Variants in RPH3A observed in about 807,000 individuals in gnomAD.
RPH3A encodes rabphilin-3A.
A neutral mutation model predicts 102.2 loss-of-function variants in RPH3A; 48 were observed. That is an observed-to-expected ratio of 0.47 (90% CI 0.37 to 0.60). The LOEUF is 0.60. RPH3A is among the 20% of genes least tolerant of loss of function. RPH3A has a pLI of 0.00. For synonymous variants in RPH3A, 310 were observed against 324.3 expected (o/e 0.96, Z 0.47); for missense variants, 781 against 910.1 (o/e 0.86, Z 1.83).
intron 1 of RPH3A, among the ~76,000 whole-genome samples, chr12:112,643,221 G>T (rs1483449760): frequency 6.6e-6 from 1 of 152,138 alleles, no homozygotes; most frequent in African/African-American, 2.4e-5. Context: ...AGGATGAAGA[G>T]GTCTGGAAGC....
At chr12:112,718,612 CT>C (rs1462025240) in intron 1 of RPH3A, among the ~76,000 whole-genome samples, 1 of 152,200 alleles carries the variant, frequency 6.6e-6, no homozygotes, top group East Asian at 1.9e-4. Context: ...ACTATTGCCA[CT>C]GCGCGTTGCT....
intron 1 of RPH3A, among the ~76,000 whole-genome samples, chr12:112,751,906 A>T (rs1287090532): frequency 6.6e-6 from 1 of 152,238 alleles, no homozygotes; most frequent in East Asian, 1.9e-4. Context: ...GATGATGTGT[A>T]TGATAATATT....
chr12:112,883,281 C>T lies in RPH3A; in HGVS notation c.1327-12C>T. 1 of 1,609,614 alleles carries T rather than the reference C, an allele frequency of 6.2e-7. No individual in the cohort carries two copies. The highest frequency in any genetic ancestry group is 8.5e-7 in the Non-Finnish European group (1 of 1,176,258). On this transcript the variant is annotated splice_polypyrimidine_tract_variant and intron_variant, in intron 15 of 21. Transcript: ENST00000389385. Reference sequence around the variant, plus strand: ...GAGGTAGGTGTCTCTGTCCATCTCTCTCGGGCTCTAGTCCAACAAGCTTCG... The same window carrying T: ...GAGGTAGGTGTCTCTGTCCATCTCTTTCGGGCTCTAGTCCAACAAGCTTCG...
chr12:112,812,501 C>A (rs1013581695), intron 2 of RPH3A, among the ~76,000 whole-genome samples: 1 of 152,194 alleles, frequency 6.6e-6, no homozygotes, highest in African/African-American at 2.4e-5. Context: ...GATTTTAGGG[C>A]TTACAGGGAG....
chr12:112,827,002 G>C (rs560548093), intron 2 of RPH3A, among the ~76,000 whole-genome samples: 1 of 152,256 alleles, frequency 6.6e-6, no homozygotes, highest in African/African-American at 2.4e-5. Flanking sequence ...AGAGTAGATG[G>C]ACTTTTAGCT....
At chr12:112,779,202 G>T (rs2040989580) in intron 1 of RPH3A, among the ~76,000 whole-genome samples, 1 of 152,322 alleles carries the variant, frequency 6.6e-6, no homozygotes, top group Admixed American at 6.5e-5. Context: ...CCAAGTGAAG[G>T]GGAGAGGGAA....
Position 112,894,616 on chromosome 12 carries a change from A to C in RPH3A, c.1814A>C (p.Lys605Thr). 2 of 1,614,008 alleles carry C rather than the reference A, an allele frequency of 1.2e-6. No homozygotes were observed. Among genetic ancestry groups the C allele is most frequent in the East Asian group, 2.2e-5 (1 of 44,888 alleles). The change falls in exon 20 of 22, where the codon AAG (lysine) becomes ACG (threonine). Residue 605 changes from lysine (K) to threonine (T), a missense_variant. Coordinates refer to ENST00000389385, the MANE Select transcript of RPH3A (RefSeq NM_001143854.2). ...KPDMGKKAKH[K>T]TQIKKKTLNP... Reference sequence around the variant, plus strand: ...GACATGGGAAAGAAGGCCAAACACAAGACTCAAATTAAAAAGAAAACCTTG... The same window carrying C: ...GACATGGGAAAGAAGGCCAAACACACGACTCAAATTAAAAAGAAAACCTTG...
At chr12:112,705,347 G>A (rs1466022351) in intron 1 of RPH3A, among the ~76,000 whole-genome samples, 1 of 152,134 alleles carries the variant, frequency 6.6e-6, no homozygotes, top group African/African-American at 2.4e-5. Context: ...TATTTTTATG[G>A]AACAAAGAGG....
Position 112,665,190 on chromosome 12 carries a change from A to T in RPH3A, c.-140+89871A>T, listed in dbSNP as rs1646120632. Among the ~76,000 whole-genome samples the T allele has an allele frequency of 1.3e-5, 2 of 152,170 alleles. 1 individual carries two copies. Among genetic ancestry groups the T allele is most frequent in the Middle Eastern group, 6.3e-3 (2 of 316 alleles). ...AAATAAACGATCTGTACCCCAGTCC[A>T]TATCACAGGCTTTGCTTTTGAGGGA... On this transcript the variant is annotated intron_variant, in intron 1 of 21. Transcript: ENST00000543106.
At chr12:112,810,076 C>T (rs1164318510) in intron 2 of RPH3A, among the ~76,000 whole-genome samples, 1 of 152,176 alleles carries the variant, frequency 6.6e-6, no homozygotes, top group Non-Finnish European at 1.5e-5. Flanking sequence ...ATTTCAGCTT[C>T]CTTTCTCGAT....
chr12:112,692,040 G>A (rs1222494074), intron 1 of RPH3A, among the ~76,000 whole-genome samples: 3 of 152,206 alleles, frequency 2.0e-5, no homozygotes, highest in African/African-American at 4.8e-5. Context: ...GGATGGAACC[G>A]GAGGGTACTA....
At chr12:112,657,231 G>A (rs766286044) in intron 1 of RPH3A, among the ~76,000 whole-genome samples, 9 of 151,840 alleles carry the variant, frequency 5.9e-5, no homozygotes, top group Non-Finnish European at 1.0e-4. Context: ...TTGGCCACTT[G>A]TATGTCTTCT....
intron 1 of RPH3A, among the ~76,000 whole-genome samples, chr12:112,719,486 T>C (rs948259846): frequency 6.6e-6 from 1 of 152,194 alleles, no homozygotes; most frequent in African/African-American, 2.4e-5. Context: ...GAGAGCACCA[T>C]TTATTCCCCA....
At chr12:112,752,256 T>C (rs2136061449) in intron 1 of RPH3A, among the ~76,000 whole-genome samples, 1 of 152,324 alleles carries the variant, frequency 6.6e-6, no homozygotes, top group South Asian at 2.1e-4. Context: ...TTTCACTATT[T>C]CCCACAAATG....
In RPH3A at chr12:112,828,408, C is replaced by T. The variant is rs1285916134; in HGVS notation, c.71+19C>T. 3 of 1,579,422 alleles carry T rather than the reference C, an allele frequency of 1.9e-6. No homozygotes were observed. The highest frequency in any genetic ancestry group is 2.7e-5 in the African/African-American group (2 of 73,412). ...AATCAAAGTAAGTTGCTGCATCTTCCTGGGAGTGGCTTGTTTTGAGTCGAT... is the reference window on the plus strand; with the variant it reads ...AATCAAAGTAAGTTGCTGCATCTTCTTGGGAGTGGCTTGTTTTGAGTCGAT... On this transcript the variant is annotated intron_variant, in intron 3 of 21. Transcript: ENST00000389385.
chr12:112,861,572 G>A (rs1344150746), intron 5 of RPH3A, among the ~76,000 whole-genome samples: 7 of 152,210 alleles, frequency 4.6e-5, no homozygotes, highest in East Asian at 1.9e-4. Context: ...CTTGGGAGCC[G>A]ACTGCCTGGG....
chr12:112,772,317 C>T (rs896342640), intron 1 of RPH3A, among the ~76,000 whole-genome samples: 2 of 152,170 alleles, frequency 1.3e-5, no homozygotes, highest in Non-Finnish European at 2.9e-5. Context: ...GCACTATTTA[C>T]ATTTAGGGCA....
At chr12:112,732,868 C>T (rs1266333874) in intron 1 of RPH3A, among the ~76,000 whole-genome samples, 1 of 152,168 alleles carries the variant, frequency 6.6e-6, no homozygotes, top group African/African-American at 2.4e-5. Context: ...ACCATCAAAA[C>T]CCTCAGTAGA....
At chr12:112,712,925 C>CTTCTTCTTCTTCCTCTTCTTCTTCT (rs1565856803) in intron 1 of RPH3A, among the ~76,000 whole-genome samples, 4 of 94,528 alleles carry the variant, frequency 4.2e-5, no homozygotes, top group African/African-American at 1.8e-4. Flanking sequence ...CTTCTTCTTC[C>CTTCTTCTTCTTCCTCTTCTTCTTCT]TCTTCTTCTT....
Sources: allele counts gnomAD v4.1 joint callset (sites outside exome capture counted in the v4.1 genomes callset), GRCh38; gene constraint gnomAD v4.1.1; transcripts MANE v1.5; gene names NCBI Gene and HGNC (gene_info 2026-07-23, HGNC 2026-07-21).